Variants in EXOC6B observed in about 807,000 individuals in gnomAD.
EXOC6B encodes SEC15 homolog B.
In EXOC6B, 54 loss-of-function variants were observed where a neutral mutation model predicts 113.5. The observed-to-expected ratio is 0.48, with a 90% CI of 0.38 to 0.60. The LOEUF (loss-of-function observed/expected upper bound fraction) is 0.60, where lower values mean the gene tolerates loss of function less well. Ranked by LOEUF, EXOC6B falls within the 20% of genes least tolerant of loss-of-function variation. The pLI, the probability that EXOC6B is intolerant of heterozygous loss-of-function variation, is 0.00. For synonymous variants in EXOC6B, 357 were observed against 339.0 expected (o/e 1.05, Z -0.58); for missense variants, 797 against 977.5 (o/e 0.82, Z 2.46).
chr2:72,384,715 T>C (rs638854), intron 18 of EXOC6B, among the ~76,000 whole-genome samples: 55,603 of 151,904 alleles, frequency 0.37, 16,713 homozygotes, highest in African/African-American at 0.83. Flanking sequence ...TGTTTCTATA[T>C]GCTAACAACA....
rs982189961 is a variant in EXOC6B, at chr2:72,825,278, G to A, written c.113+520C>T. On this transcript the variant is annotated intron_variant, in intron 1 of 21. Transcript: ENST00000272427. The surrounding 1 kb of genome is among the most constrained non-coding windows in gnomAD (Gnocchi z 4.4). ...TAAAGGAGCAGCGGCTCCCAGGAGAGGGGCGCGGGTTGGGGAAACTTCCAT... is the reference window on the plus strand; with the variant it reads ...TAAAGGAGCAGCGGCTCCCAGGAGAAGGGCGCGGGTTGGGGAAACTTCCAT... 6.6e-6 allele frequency among the ~76,000 whole-genome samples: 1 copy of A among 152,172 alleles called. No homozygotes were observed. The highest frequency in any genetic ancestry group is 6.5e-5 in the Admixed American group (1 of 15,286).
intron 20 of EXOC6B, among the ~76,000 whole-genome samples, chr2:72,298,394 G>GCAACT (rs1686283416): frequency 6.6e-6 from 1 of 152,020 alleles, no homozygotes; most frequent in Non-Finnish European, 1.5e-5. Flanking sequence ...CACATGAGAT[G>GCAACT]GATCTCCTGA....
intron 16 of EXOC6B, among the ~76,000 whole-genome samples, chr2:72,489,495 A>G (rs1573239796): frequency 6.6e-6 from 1 of 152,324 alleles, no homozygotes; most frequent in Middle Eastern, 3.4e-3. Flanking sequence ...CTTAATAATA[A>G]CAGGTAATAT....
intron 6 of EXOC6B, among the ~76,000 whole-genome samples, chr2:72,599,015 T>C (rs1573462118): frequency 1.3e-5 from 2 of 152,144 alleles, no homozygotes; most frequent in Admixed American, 1.3e-4. Context: ...TTCCAAAAAA[T>C]AGAAGCAGAA....
intron 5 of EXOC6B, 118 bp downstream of exon 5, chr2:72,730,889 A>C: frequency 3.0e-6 from 1 of 330,452 alleles, no homozygotes. Context: ...AATATACAAA[A>C]GGTTAAGATG....
chr2:72,752,262 C>T (rs1682094395), intron 1 of EXOC6B, among the ~76,000 whole-genome samples: 1 of 152,096 alleles, frequency 6.6e-6, no homozygotes, highest in Non-Finnish European at 1.5e-5. Flanking sequence ...CTGTCTATAT[C>T]TCTGTCTACC....
intron 11 of EXOC6B, among the ~76,000 whole-genome samples, chr2:72,505,483 A>G (rs945466418): frequency 6.6e-6 from 1 of 152,170 alleles, no homozygotes; most frequent in Non-Finnish European, 1.5e-5. Flanking sequence ...ATCCAAATAC[A>G]TTATTCTCAG....
At chr2:72,348,383 G>A (rs530969480) in intron 19 of EXOC6B, among the ~76,000 whole-genome samples, 119 of 152,074 alleles carry the variant, frequency 7.8e-4, no homozygotes, top group African/African-American at 2.8e-3. Context: ...TTGGTATTTG[G>A]AACTTAAAAA....
Position 72,636,897 on chromosome 2 carries a change from T to C in EXOC6B, c.670-61229A>G, listed in dbSNP as rs113774481. ...CTGTCTCTATTTACAAATGATATGA[T>C]AACCTATGTAGATTATTCCAAGCAA... On this transcript the variant is annotated intron_variant, in intron 6 of 21. Coordinates refer to ENST00000272427, the MANE Select transcript of EXOC6B (RefSeq NM_015189.3). Among the ~76,000 whole-genome samples the C allele has an allele frequency of 1.4e-4, 22 of 151,786 alleles. 2 individuals are homozygous for C. The highest frequency in any genetic ancestry group is 4.3e-4 in the African/African-American group (18 of 41,390).
intron 15 of EXOC6B, among the ~76,000 whole-genome samples, chr2:72,494,493 G>A (rs1699929082): frequency 6.6e-6 from 1 of 151,904 alleles, no homozygotes; most frequent in Non-Finnish European, 1.5e-5. Context: ...TATTTTCTTA[G>A]TAAGAATAGT....
intron 18 of EXOC6B, among the ~76,000 whole-genome samples, chr2:72,459,857 G>T (rs1189425511): frequency 1.1e-4 from 16 of 151,820 alleles, no homozygotes; most frequent in South Asian, 8.3e-4. Flanking sequence ...AAAAACTACT[G>T]TAAAGTTCAT....
At chr2:72,267,365 C>T (rs142632754) in intron 20 of EXOC6B, among the ~76,000 whole-genome samples, 1 of 151,876 alleles carries the variant, frequency 6.6e-6, no homozygotes, top group African/African-American at 2.4e-5. Flanking sequence ...CCAGTTTTTG[C>T]CCATTCAGTA....
At chr2:72,402,257 T>C (rs1693390581) in intron 18 of EXOC6B, among the ~76,000 whole-genome samples, 1 of 152,158 alleles carries the variant, frequency 6.6e-6, no homozygotes, top group South Asian at 2.1e-4. Context: ...AATTTGTCGA[T>C]TTCATCTAGG....
At chr2:72,470,773 C>T (rs993983176) in intron 17 of EXOC6B, among the ~76,000 whole-genome samples, 7 of 149,126 alleles carry the variant, frequency 4.7e-5, no homozygotes, top group Non-Finnish European at 7.4e-5. Flanking sequence ...CAGCTTCATC[C>T]ATGTCCCTAC....
At chr2:72,500,021 T>G (rs1700239492) in intron 11 of EXOC6B, 49 bp from the exon 12 acceptor site, 1 of 1,218,212 alleles carries the variant, frequency 8.2e-7, no homozygotes, top group African/African-American at 1.5e-5. Context: ...TTAGTAAAAA[T>G]GCAATTAAAT....
At chr2:72,252,808 C>G (rs1268073619) in intron 20 of EXOC6B, among the ~76,000 whole-genome samples, 1 of 152,176 alleles carries the variant, frequency 6.6e-6, no homozygotes, top group East Asian at 1.9e-4. Context: ...TGCCCCAGCC[C>G]TCAGCATCAT....
At chr2:72,795,515 G>A (rs1033990757) in intron 1 of EXOC6B, among the ~76,000 whole-genome samples, 3 of 152,082 alleles carry the variant, frequency 2.0e-5, no homozygotes, top group Non-Finnish European at 1.5e-5. Flanking sequence ...GGCAGAGTTT[G>A]CAGTGAGCCG....
At chr2:72,768,271 C>T (rs1409344252) in intron 1 of EXOC6B, among the ~76,000 whole-genome samples, 1 of 150,712 alleles carries the variant, frequency 6.6e-6, no homozygotes, top group African/African-American at 2.4e-5. Context: ...AATTCTATTC[C>T]CCTAGGAGAA....
intron 16 of EXOC6B, 69 bp downstream of exon 16, chr2:72,492,249 C>T: frequency 1.3e-6 from 1 of 786,978 alleles, no homozygotes; most frequent in Non-Finnish European, 2.0e-6. Flanking sequence ...CGAATTCAGA[C>T]ATAAGGCCCA....
Sources: gnomAD v4.1 joint callset for allele counts (sites outside exome capture counted in the v4.1 genomes callset) on GRCh38, gnomAD v4.1.1 for gene constraint, Gnocchi (gnomAD v3.1) non-coding constraint, MANE v1.5 for transcripts, NCBI Gene and HGNC (gene_info 2026-07-23, HGNC 2026-07-21) for gene names.